Variants in WDR27 observed in about 807,000 individuals in gnomAD.
The protein encoded by WDR27 is WD repeat-containing protein 27.
Under a neutral mutation model 114.4 loss-of-function variants are expected in WDR27, and 100 were observed. The observed-to-expected ratio is 0.87, with a 90% confidence interval of 0.74 to 1.03. The LOEUF (loss-of-function observed/expected upper bound fraction) is 1.03, where lower values mean the gene tolerates loss of function less well. Ranked by LOEUF, WDR27 falls within the 50% of genes least tolerant of loss-of-function variation. WDR27 has a pLI of 0.00. For synonymous variants in WDR27, 449 were observed against 423.1 expected (o/e 1.06, Z -0.75); for missense variants, 1,129 against 1,092.9 (o/e 1.03, Z -0.47).
chr6:169,621,060 A>G (rs776534615), intron 21 of WDR27, among the ~76,000 whole-genome samples: 1 of 152,196 alleles, frequency 6.6e-6, no homozygotes, highest in Non-Finnish European at 1.5e-5. Flanking sequence ...CTCTTCATTC[A>G]CAGAACACTG....
chr6:169,466,534 C>G (rs1248307013), intron 25 of WDR27, among the ~76,000 whole-genome samples: 5 of 152,114 alleles, frequency 3.3e-5, no homozygotes, highest in Non-Finnish European at 7.3e-5. Context: ...TAACTGCTCC[C>G]ACAATTCAAT....
chr6:169,698,664 G>A (rs770170352), intron 1 of WDR27, among the ~76,000 whole-genome samples: 1 of 152,158 alleles, frequency 6.6e-6, no homozygotes, highest in Non-Finnish European at 1.5e-5. Context: ...CTCTGAAGTC[G>A]AGGGCAGCCG....
At chr6:169,611,542 G>T (rs1409654637) in intron 22 of WDR27, among the ~76,000 whole-genome samples, 1 of 151,962 alleles carries the variant, frequency 6.6e-6, no homozygotes, top group East Asian at 1.9e-4. Flanking sequence ...CTGACCTCAG[G>T]TGATCCGCCC....
At chr6:169,450,463 T>A in the WDR27 span, among the ~76,000 whole-genome samples, 3 of 152,224 alleles carry the variant, frequency 2.0e-5, no homozygotes, top group Non-Finnish European at 2.9e-5. Flanking sequence ...ACAGCTGAGC[T>A]GCCTGTCACG....
At chr6:169,589,890 A>G (rs958547333) in intron 23 of WDR27, among the ~76,000 whole-genome samples, 2 of 151,320 alleles carry the variant, frequency 1.3e-5, no homozygotes, top group Non-Finnish European at 2.9e-5. Flanking sequence ...GCTGTGGCTA[A>G]GACATACTCA....
chr6:169,584,648 A>G (rs1804201018), intron 23 of WDR27, among the ~76,000 whole-genome samples: 1 of 152,128 alleles, frequency 6.6e-6, no homozygotes, highest in African/African-American at 2.4e-5. Context: ...CATTTCCCTT[A>G]TGATTAGTGA....
chr6:169,511,867 CA>C (rs779587336), intron 25 of WDR27, among the ~76,000 whole-genome samples: 55 of 152,060 alleles, frequency 3.6e-4, no homozygotes, highest in Non-Finnish European at 5.6e-4. Flanking sequence ...AATCTTTAAA[CA>C]ATAAAATCCA....
chr6:169,672,455 C>A, intron 2 of WDR27, 59 bp from the exon 3 acceptor site: 1 of 1,447,898 alleles, frequency 6.9e-7, no homozygotes, highest in South Asian at 1.4e-5. Flanking sequence ...AAGAGTATAA[C>A]AACATAACTT....
At chr6:169,558,817 G>A (rs1799267576) in intron 25 of WDR27, 1 of 152,164 alleles carries the variant, frequency 6.6e-6, no homozygotes, top group Admixed American at 6.5e-5. Context: ...GATAAATGCA[G>A]AACTCATCCA....
chr6:169,432,968 A>G, the WDR27 span, among the ~76,000 whole-genome samples: 1 of 152,330 alleles, frequency 6.6e-6, no homozygotes, highest in South Asian at 2.1e-4. Flanking sequence ...ACTTTGAGTA[A>G]AATGCTGATA....
chr6:169,624,094 T>C (rs1814068647), intron 21 of WDR27, among the ~76,000 whole-genome samples: 1 of 150,952 alleles, frequency 6.6e-6, no homozygotes, highest in Admixed American at 6.6e-5. Context: ...GTGCAGCATG[T>C]GGCATCAGGT....
chr6:169,606,624 C>G (rs1809248987), intron 22 of WDR27, among the ~76,000 whole-genome samples: 1 of 152,068 alleles, frequency 6.6e-6, no homozygotes, highest in Admixed American at 6.6e-5. Context: ...CCATCCATGT[C>G]CCTGCAAAAA....
At chr6:169,442,240 C>G in the WDR27 span, among the ~76,000 whole-genome samples, 1 of 152,192 alleles carries the variant, frequency 6.6e-6, no homozygotes. Flanking sequence ...ACATCTTTAT[C>G]AATAGAATTC....
At chr6:169,442,319 C>A in the WDR27 span, among the ~76,000 whole-genome samples, 1 of 152,166 alleles carries the variant, frequency 6.6e-6, no homozygotes, top group African/African-American at 2.4e-5. Flanking sequence ...AAGTAACTGC[C>A]AAGATTACTG....
At chr6:169,553,267 C>T (rs1026650650) in intron 25 of WDR27, among the ~76,000 whole-genome samples, 4 of 152,096 alleles carry the variant, frequency 2.6e-5, no homozygotes, top group African/African-American at 9.7e-5. Flanking sequence ...ACCTCTCACT[C>T]CCAGCCCGGC....
chr6:169,530,203 T>C (rs1795423717), intron 25 of WDR27, among the ~76,000 whole-genome samples: 1 of 152,148 alleles, frequency 6.6e-6, no homozygotes, highest in African/African-American at 2.4e-5. Context: ...ATACGAACCA[T>C]CTTCCATGGC....
intron 2 of WDR27, among the ~76,000 whole-genome samples, chr6:169,678,739 T>C (rs1031672420): frequency 6.6e-6 from 1 of 152,226 alleles, no homozygotes; most frequent in African/African-American, 2.4e-5. Flanking sequence ...GACTCTGGCA[T>C]AACAAGGAAG....
intron 25 of WDR27, among the ~76,000 whole-genome samples, chr6:169,568,818 C>A (rs977223244): frequency 6.6e-6 from 1 of 152,116 alleles, no homozygotes; most frequent in Non-Finnish European, 1.5e-5. Context: ...GATTTCAAAT[C>A]TTAGAAGAAA....
intron 25 of WDR27, among the ~76,000 whole-genome samples, chr6:169,543,773 A>C (rs751100380): frequency 3.3e-5 from 5 of 152,198 alleles, no homozygotes; most frequent in Non-Finnish European, 7.4e-5. Flanking sequence ...CCTAAAGGTT[A>C]TGTGAGTTGT....
Sources: gnomAD v4.1 joint callset for allele counts (sites outside exome capture counted in the v4.1 genomes callset) on GRCh38, gnomAD v4.1.1 for gene constraint, MANE v1.5 for transcripts, NCBI Gene and HGNC (gene_info 2026-07-23, HGNC 2026-07-21) for gene names.